The following SLC35F4 variants were observed in gnomAD, a reference collection of about 807,000 sequenced individuals.
The protein encoded by SLC35F4 is solute carrier family 35 member F4.
A neutral mutation model predicts 44.2 loss-of-function variants in SLC35F4; 24 were observed. The observed-to-expected ratio is 0.54, with a 90% CI of 0.39 to 0.76. The LOEUF is 0.76. Ranked by LOEUF, SLC35F4 falls within the 30% of genes least tolerant of loss-of-function variation. The pLI is 0.00. For synonymous variants in SLC35F4, 238 were observed against 223.6 expected (o/e 1.06, Z -0.57); for missense variants, 562 against 586.1 (o/e 0.96, Z 0.42).
chr14:57,969,921 G>T (rs995883195), intron 1 of SLC35F4, among the ~76,000 whole-genome samples: 1 of 152,098 alleles, frequency 6.6e-6, no homozygotes, highest in African/African-American at 2.4e-5. Flanking sequence ...TTCACTGGGA[G>T]CCCCCACAAA....
intron 4 of SLC35F4, among the ~76,000 whole-genome samples, chr14:57,572,794 A>C (rs1326869333): frequency 6.6e-6 from 1 of 152,238 alleles, no homozygotes; most frequent in African/African-American, 2.4e-5. Flanking sequence ...TCAAAACAGG[A>C]GTCTACTCCC....
intron 1 of SLC35F4, among the ~76,000 whole-genome samples, chr14:57,679,209 T>G (rs8013048): frequency 0.63 from 95,805 of 151,920 alleles, 30,582 homozygotes; most frequent in South Asian, 0.72. Flanking sequence ...TAGAACTCAG[T>G]ATTAAGAAAC....
At chr14:57,660,085 G>A (rs530075041) in intron 1 of SLC35F4, among the ~76,000 whole-genome samples, 1 of 152,152 alleles carries the variant, frequency 6.6e-6, no homozygotes, top group Non-Finnish European at 1.5e-5. Flanking sequence ...ATATGTGTTG[G>A]TTTGACTTGC....
rs1000655608 is a variant in SLC35F4 at position 57,702,407 on chromosome 14, T to C, written c.104-108283A>G. Among the ~76,000 whole-genome samples, 6 of 151,962 alleles carry C rather than the reference T, an allele frequency of 3.9e-5. No individual in the cohort carries two copies. In the East Asian group the frequency reaches 9.6e-4, roughly 24 times the overall value. ...CCAAACCTGTGCCTGTTCTATTCATTGTACTTCCCTCTATTTTAAATAATA... is the reference window on the plus strand; with the variant it reads ...CCAAACCTGTGCCTGTTCTATTCATCGTACTTCCCTCTATTTTAAATAATA... On this transcript the variant is annotated intron_variant, in intron 1 of 7. Coordinates refer to ENST00000556826, the MANE Select transcript of SLC35F4 (RefSeq NM_001306087.2).
At chr14:57,761,856 C>T (rs1363190549) in intron 1 of SLC35F4, among the ~76,000 whole-genome samples, 1 of 151,916 alleles carries the variant, frequency 6.6e-6, no homozygotes. Context: ...TTTGAGTGTT[C>T]TTGGTTGTAA....
At chr14:57,785,963 G>A (rs534655821) in intron 1 of SLC35F4, among the ~76,000 whole-genome samples, 1 of 152,274 alleles carries the variant, frequency 6.6e-6, no homozygotes, top group African/African-American at 2.4e-5. Context: ...AGACTCCACA[G>A]GCAGGGGAAG....
At chr14:57,979,846 G>A (rs780844693) in intron 1 of SLC35F4, among the ~76,000 whole-genome samples, 3 of 152,170 alleles carry the variant, frequency 2.0e-5, no homozygotes, top group African/African-American at 4.8e-5. Context: ...CTGATTGTGC[G>A]TATCTTTCCC....
intron 1 of SLC35F4, among the ~76,000 whole-genome samples, chr14:57,914,968 TCC>T (rs1225361907): frequency 6.6e-6 from 1 of 152,086 alleles, no homozygotes; most frequent in African/African-American, 2.4e-5. Context: ...TCTGTCTGGG[TCC>T]CCAGGTGGTC....
intron 1 of SLC35F4, among the ~76,000 whole-genome samples, chr14:57,779,652 T>C (rs1017168401): frequency 6.6e-6 from 1 of 152,058 alleles, no homozygotes; most frequent in Non-Finnish European, 1.5e-5. Context: ...CAGGCCAATA[T>C]CCTTAATGAA....
At chr14:57,615,835 T>C (rs2071783309) in intron 1 of SLC35F4, among the ~76,000 whole-genome samples, 1 of 152,176 alleles carries the variant, frequency 6.6e-6, no homozygotes, top group Non-Finnish European at 1.5e-5. Context: ...TGCATATAGA[T>C]GGGATAGAGG....
chr14:57,609,676 G>C (rs555185382), intron 1 of SLC35F4, among the ~76,000 whole-genome samples: 1 of 152,160 alleles, frequency 6.6e-6, no homozygotes, highest in Non-Finnish European at 1.5e-5. Flanking sequence ...CTCTCCTCTC[G>C]AAATCCTAAA....
intron 1 of SLC35F4, among the ~76,000 whole-genome samples, chr14:57,859,388 A>G (rs1484365746): frequency 6.6e-6 from 1 of 152,186 alleles, no homozygotes; most frequent in Non-Finnish European, 1.5e-5. Flanking sequence ...GTTAACACTA[A>G]TCATCTCTGG....
chr14:57,685,653 T>A (rs1421333842), intron 1 of SLC35F4, among the ~76,000 whole-genome samples: 1 of 152,218 alleles, frequency 6.6e-6, no homozygotes, highest in Non-Finnish European at 1.5e-5. Context: ...CCTTAATTGT[T>A]CAAGGGTAAT....
intron 1 of SLC35F4, among the ~76,000 whole-genome samples, chr14:57,780,463 T>C (rs2077590005): frequency 6.6e-6 from 1 of 152,042 alleles, no homozygotes; most frequent in South Asian, 2.1e-4. Flanking sequence ...GAAAAACATT[T>C]CATGCTCACA....
intron 1 of SLC35F4, among the ~76,000 whole-genome samples, chr14:57,607,294 A>C (rs1745691): frequency 6.6e-6 from 1 of 152,136 alleles, no homozygotes; most frequent in Admixed American, 6.5e-5. Context: ...TAGCATATAC[A>C]TATTTGTCAC....
chr14:57,870,347 A>G (rs1213794503), upstream of SLC35F4, among the ~76,000 whole-genome samples: 2 of 152,146 alleles, frequency 1.3e-5, no homozygotes, highest in African/African-American at 4.8e-5. Context: ...ACTTTGGAGC[A>G]GACTGCCAGG....
At chr14:57,583,711 C>T (rs1244554544) in intron 3 of SLC35F4, among the ~76,000 whole-genome samples, 1 of 152,154 alleles carries the variant, frequency 6.6e-6, no homozygotes, top group Non-Finnish European at 1.5e-5. Context: ...CACTGCCGAC[C>T]TTCTCCCCTT....
At chr14:57,688,605 G>A (rs977511605) in intron 1 of SLC35F4, among the ~76,000 whole-genome samples, 3 of 152,084 alleles carry the variant, frequency 2.0e-5, no homozygotes, top group East Asian at 1.9e-4. Flanking sequence ...GCATCTCCAC[G>A]GTATGTTTTC....
rs1888796460 is a variant in SLC35F4 at position 57,892,733 on chromosome 14, ACT to A, written n.282+89178_282+89179del. On this transcript the variant is annotated intron_variant and non_coding_transcript_variant, in intron 1 of 1. Transcript: ENST00000556568. Reference sequence around the variant, plus strand: ...ATTAGAGGTAAAATCCACAATTGGTACTCTTTACAAAAGTCATGAAACCAGTC... The same window carrying A: ...ATTAGAGGTAAAATCCACAATTGGTACTTTACAAAAGTCATGAAACCAGTC... Among the ~76,000 whole-genome samples the A allele has an allele frequency of 2.0e-5, 3 of 152,128 alleles. No homozygotes were observed. The South Asian group carries it at 6.2e-4, about 32-fold the overall frequency.
Sources: gnomAD v4.1 joint callset for allele counts (sites outside exome capture counted in the v4.1 genomes callset) on GRCh38, gnomAD v4.1.1 for gene constraint, MANE v1.5 for transcripts, NCBI Gene and HGNC (gene_info 2026-07-23, HGNC 2026-07-21) for gene names.